Variants in R3HDM4 observed in about 807,000 individuals in gnomAD.
The protein encoded by R3HDM4 is R3H domain-containing protein 4.
In R3HDM4, 30 loss-of-function variants were observed where a neutral mutation model predicts 31.3. That is an observed-to-expected ratio of 0.96 (90% confidence interval 0.72 to 1.30). The LOEUF (loss-of-function observed/expected upper bound fraction) is 1.30, where lower values mean the gene tolerates loss of function less well. Among genes scored for constraint, R3HDM4 ranks in the 50% most tolerant of loss-of-function variants. The pLI is 0.00. For missense variants in R3HDM4, 444 were observed against 366.1 expected, an observed-to-expected ratio of 1.21 and a Z score of -1.74; for synonymous variants, 196 against 156.6, an observed-to-expected ratio of 1.25 and a Z score of -1.88.
At chr19:906,602 G>A (rs571966800) in intron 1 of R3HDM4, among the ~76,000 whole-genome samples, 35 of 152,196 alleles carry the variant, frequency 2.3e-4, no homozygotes, top group Admixed American at 3.9e-4. Context: ...AAAAGGGCCT[G>A]GGATGAATTC....
chr19:901,150 T>G (rs1367788286), intron 3 of R3HDM4, 198 bp from the exon 4 acceptor site: 2 of 697,500 alleles, frequency 2.9e-6, no homozygotes, highest in East Asian at 3.0e-5. Flanking sequence ...CCCAGCTGTC[T>G]CGGGGTGGGG....
In R3HDM4 at chr19:899,137, G is replaced by T. The variant is rs1366636114; in HGVS notation, c.703+303C>A. The stretch of plus-strand genomic sequence containing the variant: ...CCCATCTTATCTCTGGCTCTGGGAG[G>T]TCCCTCAAATCCAGGCTTCATCACC... On this transcript the variant is annotated intron_variant, in intron 7 of 7. Transcript: ENST00000361574. The surrounding 1 kb of genome is among the most constrained non-coding windows in gnomAD (Gnocchi z 6.8). Among the ~76,000 whole-genome samples, 1 of 152,062 alleles carries T rather than the reference G, an allele frequency of 6.6e-6. No homozygotes were observed. The highest frequency in any genetic ancestry group is 1.5e-5 in the Non-Finnish European group (1 of 68,000).
chr19:910,971 A>T (rs1475536093), intron 1 of R3HDM4, among the ~76,000 whole-genome samples: 1 of 151,606 alleles, frequency 6.6e-6, no homozygotes, highest in African/African-American at 2.4e-5. Context: ...ATACAAAAAA[A>T]TTAGCCGGGC....
chr19:910,843 G>T (rs925381262), intron 1 of R3HDM4, among the ~76,000 whole-genome samples: 1 of 151,988 alleles, frequency 6.6e-6, no homozygotes, highest in Non-Finnish European at 1.5e-5. Flanking sequence ...AATACTAGCC[G>T]GCGCGGTGGC....
intron 3 of R3HDM4, 172 bp downstream of exon 3, chr19:901,250 G>C: frequency 1.4e-6 from 1 of 732,768 alleles, no homozygotes; most frequent in Non-Finnish European, 2.2e-6. Flanking sequence ...TCCAGGGGTG[G>C]GGTGGGGATT....
Position 897,326 on chromosome 19 carries a change from G to A in R3HDM4, c.*111C>T, listed in dbSNP as rs973314648. 4.4e-5 allele frequency: 37 copies of A among 843,264 alleles called. No homozygotes were observed. The highest frequency in any genetic ancestry group is 3.1e-4 in the African/African-American group (18 of 57,742). The allele number at this position is 843,264 out of a possible 1,614,324, so 52.2% of individuals were successfully genotyped here. A position where few individuals can be genotyped will look rare whatever the true frequency, so the allele number is the denominator to read the frequency against. On this transcript the variant is annotated 3_prime_UTR_variant, in exon 8 of 8. Transcript: ENST00000361574. ...CAGAGTGAGAGAGACCACCCCAAGC[G>A]AAAAAGGTTTCCGAGGACAAATTCT...
At position 907,497 on chromosome 19, in the gene R3HDM4, T is replaced by G. The variant is rs1364554137; in HGVS notation, c.72-5367A>C. Among the ~76,000 whole-genome samples the G allele has an allele frequency of 6.6e-6, 1 of 152,086 alleles. No homozygotes were observed. Among genetic ancestry groups the G allele is most frequent in the East Asian group, 1.9e-4 (1 of 5,182 alleles). On this transcript the variant is annotated intron_variant, in intron 1 of 7. Transcript: ENST00000361574. The surrounding 1 kb of genome is among the most constrained non-coding windows in gnomAD (Gnocchi z 4.1). The stretch of plus-strand genomic sequence containing the variant: ...GCTCAAGCCCTCCCAGCAAGGGGCC[T>G]GGTATCACCCCATATTACAGATGAA...
At position 897,440 on chromosome 19, in the gene R3HDM4, G is replaced by C. The variant is rs1039160324; in HGVS notation, c.804C>G (p.Ser268Arg). Residue 268 changes from serine (S) to arginine (R), a missense_variant, in exon 8 of 8, where the codon AGC becomes AGG. Transcript: ENST00000361574. Reference sequence around the variant, plus strand: ...CGGGGTCTCCGCGGGGCCGCCATCAGCTGTGCTGCTCCAGGTAGGCGGACA... The same window carrying C: ...CGGGGTCTCCGCGGGGCCGCCATCACCTGTGCTGCTCCAGGTAGGCGGACA... ...LLLSAYLEQH[S>R] The C allele has an allele frequency of 6.2e-7, 1 of 1,605,858 alleles. No homozygotes were observed.
At chr19:901,768 G>GGCCCCC in intron 2 of R3HDM4, 1 of 727,288 alleles carries the variant, frequency 1.4e-6, no homozygotes, top group Non-Finnish European at 2.2e-6. Context: ...TGCCCGGGGC[G>GGCCCCC]CCCTCCCACC....
intron 1 of R3HDM4, among the ~76,000 whole-genome samples, chr19:903,267 C>T (rs1468850881): frequency 1.3e-5 from 2 of 151,544 alleles, no homozygotes; most frequent in Non-Finnish European, 2.9e-5. Flanking sequence ...CCCCTGTCCC[C>T]AGGGCCAGGA....
At chr19:908,610 AAAAAAT>A (rs2036934405) in intron 1 of R3HDM4, among the ~76,000 whole-genome samples, 1 of 152,110 alleles carries the variant, frequency 6.6e-6, no homozygotes, top group Admixed American at 6.6e-5. Flanking sequence ...ACTGTCTCAA[AAAAAAT>A]AAAAATAAAA....
intron 1 of R3HDM4, among the ~76,000 whole-genome samples, chr19:910,323 CA>C (rs34077492): frequency 0.054 from 7,648 of 142,054 alleles, 244 homozygotes; most frequent in South Asian, 0.11. Flanking sequence ...GAAACCATCT[CA>C]AAAAAAAAAA....
intron 3 of R3HDM4, chr19:901,156 T>TG (rs2036831560): frequency 2.9e-5 from 18 of 629,560 alleles, no homozygotes; most frequent in Admixed American, 6.7e-5. Flanking sequence ...TGTCTCGGGG[T>TG]GGGGGGGATT....
At chr19:901,089 G>T (rs562829209) in intron 3 of R3HDM4, 137 bp from the exon 4 acceptor site, 7 of 1,142,368 alleles carry the variant, frequency 6.1e-6, no homozygotes, top group South Asian at 5.0e-5. Context: ...AGGGGCCGCT[G>T]CTTGTGTCGG....
At chr19:897,753 G>C (rs927185663) in intron 7 of R3HDM4, among the ~76,000 whole-genome samples, 1 of 152,194 alleles carries the variant, frequency 6.6e-6, no homozygotes, top group Non-Finnish European at 1.5e-5. Context: ...CACTCTCCTC[G>C]GGCCCATCTC....
chr19:905,576 T>C (rs1467034843), intron 1 of R3HDM4, among the ~76,000 whole-genome samples: 1 of 143,252 alleles, frequency 7.0e-6, no homozygotes, highest in Non-Finnish European at 1.5e-5. Flanking sequence ...TCCTAGCTAC[T>C]CGGGAGGCTG....
chr19:899,669 C>G lies in R3HDM4; in HGVS notation c.579G>C (p.Trp193Cys). The G allele has an allele frequency of 6.3e-7, 1 of 1,596,564 alleles. No homozygotes were observed. Among genetic ancestry groups the G allele is most frequent in the Non-Finnish European group, 8.5e-7 (1 of 1,170,770 alleles). ...AGAAGAACCGAAGCAGCCGCTCCTC[C>G]CAGGTCTCCAGCGTTTCCTGGGGAG... is the stretch of plus-strand genomic sequence containing the variant. ...SRIPMETLET[W>C]EERLLRFFSV... The change falls in exon 6 of 8, where the codon TGG (tryptophan) becomes TGC (cysteine). Residue 193 changes from tryptophan (W) to cysteine (C), a missense_variant. By Grantham distance (215) the Trp-to-Cys change is radical (BLOSUM62 -2). Transcript: ENST00000361574. The surrounding 1 kb of genome is among the most constrained non-coding windows in gnomAD (Gnocchi z 6.8).
chr19:904,768 TC>T (rs1216671989), intron 1 of R3HDM4, among the ~76,000 whole-genome samples: 1 of 150,642 alleles, frequency 6.6e-6, no homozygotes, highest in Non-Finnish European at 1.5e-5. Flanking sequence ...AGACCAAGAC[TC>T]TGTCTTAAAA....
Position 900,822 on chromosome 19 carries a change from C to T in R3HDM4, c.475+7G>A, listed in dbSNP as rs1400326493. 3.9e-6 allele frequency: 6 copies of T among 1,523,262 alleles called. No homozygotes were observed. The highest frequency in any genetic ancestry group is 2.9e-5 in the African/African-American group (2 of 69,650). 94.4% of individuals were successfully genotyped at this position (1,523,262 alleles called of 1,614,324 possible). On this transcript the variant is annotated splice_region_variant and intron_variant, in intron 4 of 7. Transcript: ENST00000361574. ...CCCACCCATACCCGCCCCAGCCAGG[C>T]CCGCACCTCTCCTCCGGTCCTCCCC...
Sources: gnomAD v4.1 joint callset for allele counts (sites outside exome capture counted in the v4.1 genomes callset) on GRCh38, gnomAD v4.1.1 for gene constraint, Gnocchi (gnomAD v3.1) non-coding constraint, MANE v1.5 for transcripts, NCBI Gene and HGNC (gene_info 2026-07-23, HGNC 2026-07-21) for gene names.